Variants in ZFYVE28 observed in about 807,000 individuals in gnomAD.
ZFYVE28 encodes lateral signaling target protein 2 homolog.
A neutral mutation model predicts 82.1 loss-of-function variants in ZFYVE28; 40 were observed. That is an observed-to-expected ratio of 0.49 (90% CI 0.38 to 0.63). ZFYVE28 has a LOEUF of 0.63. Ranked by LOEUF, ZFYVE28 falls within the 30% of genes least tolerant of loss-of-function variation. ZFYVE28 has a pLI of 0.00. For synonymous variants in ZFYVE28, 612 were observed against 546.1 expected (o/e 1.12, Z -1.68); for missense variants, 1,321 against 1,242.1 (o/e 1.06, Z -0.96).
At chr4:2,371,871 C>G (rs1425642544) in intron 1 of ZFYVE28, among the ~76,000 whole-genome samples, 1 of 148,936 alleles carries the variant, frequency 6.7e-6, no homozygotes, top group Non-Finnish European at 1.5e-5. Flanking sequence ...GCGTGAGAAG[C>G]CGGCCTCGGC....
chr4:2,304,476 T>A lies in ZFYVE28; in HGVS notation c.1864A>T (p.Asn622Tyr), dbSNP rs531215793. ...GTGGGGGCTTTGGGCTCCCGCCCGT[T>A]GGAGGCATCTTCTGAGGGTGGGGGC... Reference protein sequence around the residue: ...EAPPPSEDASNGREPKAPTSD... With the variant: ...EAPPPSEDASYGREPKAPTSD... Residue 622 changes from asparagine (N) to tyrosine (Y), a missense_variant, in exon 8 of 13, where the codon AAC (asparagine) becomes TAC (tyrosine). Physicochemically the swap from Asn to Tyr is moderately radical, Grantham distance 143 (BLOSUM62 -2). Around this residue, in one of 2 missense-constraint regions of ZFYVE28, gnomAD observed 978 missense variants for 833.7 expected, o/e 1.17. Coordinates refer to ENST00000290974, the MANE Select transcript of ZFYVE28 (RefSeq NM_020972.3). The A allele has an allele frequency of 1.2e-6, 2 of 1,613,352 alleles. No homozygotes were observed. Among genetic ancestry groups the A allele is most frequent in the East Asian group, 4.5e-5 (2 of 44,876 alleles).
At position 2,304,847 on chromosome 4, in the gene ZFYVE28, G is replaced by T; in HGVS notation, c.1493C>A (p.Ala498Glu). Residue 498 changes from alanine (A) to glutamate (E), a missense_variant, in exon 8 of 13, where the codon GCA becomes GAA. Ala to Glu is a moderately radical substitution (Grantham distance 107, BLOSUM62 -1). Coordinates refer to ENST00000290974, the MANE Select transcript of ZFYVE28 (RefSeq NM_020972.3). ...GTGGGCGATCATCTCAGCCGTCTCT[G>T]CGTCATCCGCACCCACCTCCCAGCC... The part of the protein sequence containing the change: ...LDGWEVGADD[A>E]ETAEMIAHRT... The T allele has an allele frequency of 6.2e-7, 1 of 1,612,664 alleles. No homozygotes were observed. The highest frequency in any genetic ancestry group is 1.3e-5 in the African/African-American group (1 of 75,056).
In ZFYVE28 at chr4:2,335,058, C is replaced by A. The variant is rs1249483445; in HGVS notation, c.701+647G>T. Among the ~76,000 whole-genome samples, 1 of 151,176 alleles carries A rather than the reference C, an allele frequency of 6.6e-6. No individual in the cohort carries two copies. Among genetic ancestry groups the A allele is most frequent in the Non-Finnish European group, 1.5e-5 (1 of 67,742 alleles). ...GCAGGTGACCCCGCGCATCCTGCCT[C>A]GGTGGATTTCAGGCCTGAGCTTCCA... is the stretch of plus-strand genomic sequence containing the variant. On this transcript the variant is annotated intron_variant, in intron 6 of 12. Transcript: ENST00000290974. This position sits in a 1 kb window ranked among gnomAD's most constrained non-coding sequence, Gnocchi z 5.8.
At chr4:2,356,377 C>A (rs571138648) in intron 1 of ZFYVE28, among the ~76,000 whole-genome samples, 1 of 151,574 alleles carries the variant, frequency 6.6e-6, no homozygotes, top group Non-Finnish European at 1.5e-5. Context: ...TGGGACACAG[C>A]CCAGAGCAAG....
intron 8 of ZFYVE28, among the ~76,000 whole-genome samples, chr4:2,293,580 C>T (rs1560149932): frequency 1.3e-5 from 2 of 151,710 alleles, no homozygotes; most frequent in African/African-American, 2.4e-5. Context: ...GGTGAAACCC[C>T]GTCTCTACTA....
chr4:2,279,565 G>A (rs1711643902), intron 8 of ZFYVE28, among the ~76,000 whole-genome samples: 1 of 152,060 alleles, frequency 6.6e-6, no homozygotes, highest in African/African-American at 2.4e-5. Context: ...GGATCACGAG[G>A]TCAGGAGATC....
Position 2,362,738 on chromosome 4 carries a change from T to C in ZFYVE28, c.40-8665A>G, listed in dbSNP as rs1417913448. On this transcript the variant is annotated intron_variant, in intron 1 of 12. Coordinates refer to ENST00000290974, the MANE Select transcript of ZFYVE28 (RefSeq NM_020972.3). The surrounding 1 kb of genome is among the most constrained non-coding windows in gnomAD (Gnocchi z 5.1). ...AGCCGTGCTGCCACACCCACCCCAA[T>C]GTTACTATTGTTGCTACTGTCTCCC... 1.3e-5 allele frequency among the ~76,000 whole-genome samples: 2 copies of C among 152,012 alleles called. No homozygotes were observed. The highest frequency in any genetic ancestry group is 2.9e-5 in the Non-Finnish European group (2 of 67,978).
In ZFYVE28 at chr4:2,337,444, GCTGCACGTAGTACTCCCTGGGGGA is replaced by G; in HGVS notation, c.550_573del (p.Ser184_Gln191del). ...TCGCAGAAGAGCACGATGACCTCCT[GCTGCACGTAGTACTCCCTGGGGGA>G]CTTCACAGGCACCATGGCCGAGACG... On this transcript the variant is annotated inframe_deletion, in exon 5 of 13. Coordinates refer to ENST00000290974, the MANE Select transcript of ZFYVE28 (RefSeq NM_020972.3). The G allele has an allele frequency of 6.2e-7, 1 of 1,610,674 alleles. No individual in the cohort carries two copies.
rs1451471734 is a variant in ZFYVE28, at chr4:2,335,924, G to A, written c.612-130C>T. ...ACGCGTGGTGGCCACGTCAAGAGGT[G>A]ACACATGCCACCCCCAGTCCTCATA... is the stretch of plus-strand genomic sequence containing the variant. On this transcript the variant is annotated intron_variant, in intron 5 of 12. Transcript: ENST00000290974. The surrounding 1 kb of genome is among the most constrained non-coding windows in gnomAD (Gnocchi z 5.8). 4 of 703,864 alleles carry A rather than the reference G, an allele frequency of 5.7e-6. No homozygotes were observed. In the East Asian group the frequency reaches 8.2e-5, roughly 14 times the overall value. The allele number at this position is 703,864 out of a possible 1,614,324, so 43.6% of individuals were successfully genotyped here.
At chr4:2,413,019 C>T (rs564836517) in intron 1 of ZFYVE28, among the ~76,000 whole-genome samples, 22 of 152,304 alleles carry the variant, frequency 1.4e-4, no homozygotes, top group Non-Finnish European at 2.8e-4. Flanking sequence ...TTCCAGTAAG[C>T]GCCCAGCCCT....
In ZFYVE28 at chr4:2,354,017, C is replaced by T; in HGVS notation, c.96G>A (p.Gln32=). The T allele has an allele frequency of 6.3e-7, 1 of 1,579,320 alleles. No homozygotes were observed. The highest frequency in any genetic ancestry group is 1.4e-5 in the African/African-American group (1 of 73,420). ...RFYYADEELN[Q]VAAELDSLDG... ...CCAGGCTGTCCAGCTCCGCGGCCAC[C>T]TGGTTCAGCTCCTCGTCGGCATAGT... is the stretch of plus-strand genomic sequence containing the variant. Residue 32 remains glutamine, a synonymous_variant, in exon 2 of 13, where the codon CAG becomes CAA. Transcript: ENST00000290974.
In ZFYVE28 at chr4:2,417,428, G is replaced by A. The variant is rs1733194305; in HGVS notation, c.39+857C>T. On this transcript the variant is annotated intron_variant, in intron 1 of 12. Coordinates refer to ENST00000290974, the MANE Select transcript of ZFYVE28 (RefSeq NM_020972.3). The surrounding 1 kb of genome is among the most constrained non-coding windows in gnomAD (Gnocchi z 4.8). ...ACGCAGCGCCCGCAGTGCGACTGGC[G>A]CAGCCGCTGAGGCACGGGGCGCGCC... Among the ~76,000 whole-genome samples the A allele has an allele frequency of 6.6e-6, 1 of 150,450 alleles. No individual in the cohort carries two copies.
In ZFYVE28 at chr4:2,269,625, G is replaced by A. The variant is rs1171267087; in HGVS notation, c.*1100C>T. On this transcript the variant is annotated 3_prime_UTR_variant, in exon 13 of 13. Transcript: ENST00000290974. ...AATCCTTAAATAGATTTATGGAAAT[G>A]GCTTCAAATTACAGCATTTAGAAAA... The A allele has an allele frequency of 6.6e-6, 1 of 152,116 alleles. No homozygotes were observed. The highest frequency in any genetic ancestry group is 1.5e-5 in the Non-Finnish European group (1 of 68,026). 9.4% of individuals were successfully genotyped at this position (152,116 alleles called of 1,614,324 possible).
intron 1 of ZFYVE28, among the ~76,000 whole-genome samples, chr4:2,397,057 C>A (rs1157799706): frequency 6.6e-6 from 1 of 152,222 alleles, no homozygotes; most frequent in South Asian, 2.1e-4. Flanking sequence ...AGGGAGGCAT[C>A]AGAAGGGGTC....
chr4:2,334,018 G>A (rs1721155889), intron 6 of ZFYVE28, among the ~76,000 whole-genome samples: 1 of 152,164 alleles, frequency 6.6e-6, no homozygotes, highest in South Asian at 2.1e-4. Context: ...CTGGCCACTG[G>A]GGACACCCTG....
intron 2 of ZFYVE28, among the ~76,000 whole-genome samples, chr4:2,344,189 AAG>A (rs1409702988): frequency 2.0e-5 from 3 of 152,228 alleles, no homozygotes; most frequent in Admixed American, 6.5e-5. Flanking sequence ...GGAGGCAGAG[AAG>A]AGAGAGCTGG....
rs909413582 is a variant in ZFYVE28 at position 2,394,138 on chromosome 4, C to CT, written c.39+24146dup. Among the ~76,000 whole-genome samples, 20 of 152,222 alleles carry CT rather than the reference C, an allele frequency of 1.3e-4. No homozygotes were observed. Among genetic ancestry groups the CT allele is most frequent in the Admixed American group, 8.5e-4 (13 of 15,282 alleles). The stretch of plus-strand genomic sequence containing the variant: ...CCAGCTCCTCTGACTCTCCTGCCCC[C>CT]TTCTCCACTACTGAGGACTCCTGTG... On this transcript the variant is annotated intron_variant, in intron 1 of 12. Transcript: ENST00000290974. This position sits in a 1 kb window ranked among gnomAD's most constrained non-coding sequence, Gnocchi z 4.0.
chr4:2,298,335 C>G (rs2108816672), intron 8 of ZFYVE28, among the ~76,000 whole-genome samples: 1 of 152,252 alleles, frequency 6.6e-6, no homozygotes, highest in Admixed American at 6.5e-5. Flanking sequence ...TAGCTGGGGC[C>G]TGCTGTTGGT....
In ZFYVE28 at chr4:2,320,980, C is replaced by G. The variant is rs569670640; in HGVS notation, c.702-709G>C. Among the ~76,000 whole-genome samples, 2 of 152,150 alleles carry G rather than the reference C, an allele frequency of 1.3e-5. No homozygotes were observed. The highest frequency in any genetic ancestry group is 2.4e-5 in the African/African-American group (1 of 41,432). On this transcript the variant is annotated intron_variant, in intron 6 of 12. Transcript: ENST00000290974. The surrounding 1 kb of genome is among the most constrained non-coding windows in gnomAD (Gnocchi z 5.1). Reference sequence around the variant, plus strand: ...CTCCAGTGGCACCCACTCCTCTCCACGCACCGTCCAGCCCTGCCAAGCTCC... The same window carrying G: ...CTCCAGTGGCACCCACTCCTCTCCAGGCACCGTCCAGCCCTGCCAAGCTCC...
Sources: allele counts gnomAD v4.1 joint callset (sites outside exome capture counted in the v4.1 genomes callset), GRCh38; gene constraint gnomAD v4.1.1; regional missense constraint gnomAD v4.1.1; non-coding constraint Gnocchi (gnomAD v3.1); transcripts MANE v1.5; gene names NCBI Gene and HGNC (gene_info 2026-07-23, HGNC 2026-07-21).